CSMD2: variants seen among roughly 807,000 people sequenced by gnomAD.
CSMD2 encodes CUB and sushi domain-containing protein 2.
In CSMD2, 130 loss-of-function variants were observed where a neutral mutation model predicts 398.5. The observed-to-expected ratio is 0.33, with a 90% confidence interval of 0.28 to 0.38. CSMD2 has a LOEUF of 0.38. Among genes scored for constraint, CSMD2 ranks in the 10% least tolerant of loss-of-function variants. The pLI is 1.00. For synonymous variants in CSMD2, 1,828 were observed against 1,908.5 expected, an observed-to-expected ratio of 0.96 and a Z score of 1.10; for missense variants, 3,829 against 4,764.9, an observed-to-expected ratio of 0.80 and a Z score of 5.78.
intron 3 of CSMD2, among the ~76,000 whole-genome samples, chr1:33,981,408 G>A (rs1646162328): frequency 6.6e-6 from 1 of 152,052 alleles, no homozygotes; most frequent in African/African-American, 2.4e-5. Flanking sequence ...TCCCCCTTTG[G>A]GCATCAGGTA....
chr1:33,722,350 T>C (rs1646383972), intron 19 of CSMD2, among the ~76,000 whole-genome samples: 2 of 152,226 alleles, frequency 1.3e-5, no homozygotes, highest in South Asian at 4.1e-4. Flanking sequence ...TTTCGAGACT[T>C]TTGATTCACA....
Position 33,625,054 on chromosome 1 carries a change from C to T in CSMD2, c.5497G>A (p.Val1833Met), listed in dbSNP as rs1420737474. Residue 1833 changes from valine to methionine, a missense_variant, in exon 34 of 71, where the codon GTG becomes ATG. Val to Met is a conservative substitution (Grantham distance 21, BLOSUM62 1). This residue lies in a region of CSMD2 where 2,001 missense variants were observed against 2,567.1 expected (regional missense o/e 0.78). Coordinates refer to ENST00000373381, the MANE Select transcript of CSMD2 (RefSeq NM_001281956.2). ...AQWNVSAPTC[V>M]VPCGGNLTER... ...CGCCCGGGTCCTGGTTACTCACCCA[C>T]ACACGTGGGCGCTGAGACATTCCAT... 1.2e-6 allele frequency: 2 copies of T among 1,613,996 alleles called. No individual in the cohort carries two copies. Among genetic ancestry groups the T allele is most frequent in the East Asian group, 4.5e-5 (2 of 44,856 alleles).
At position 33,709,172 on chromosome 1, in the gene CSMD2, T is replaced by G. The variant is rs750297036; in HGVS notation, c.3493A>C (p.Ile1165Leu). ...CCTGGCTGGGTCTGGATGGAGTAGA[T>G]GCATTCATGATTGTTATTGTAGTTC... The part of the protein sequence containing the change: ...PVNYNNNHEC[I>L]YSIQTQPGKG... Residue 1165 changes from isoleucine (I) to leucine (L), a missense_variant, in exon 22 of 71, where the codon ATC becomes CTC. Around this residue, in one of 5 missense-constraint regions of CSMD2, gnomAD observed 2,001 missense variants for 2,567.1 expected, o/e 0.78. Transcript: ENST00000373381. The G allele has an allele frequency of 1.9e-6, 3 of 1,614,128 alleles. No homozygotes were observed. Among genetic ancestry groups the G allele is most frequent in the East Asian group, 2.2e-5 (1 of 44,884 alleles).
In CSMD2 at chr1:33,663,029, A is replaced by G; in HGVS notation, c.4116T>C (p.Pro1372=). Residue 1372 remains proline (P), a synonymous_variant, in exon 26 of 71, where the codon CCT becomes CCC. Transcript: ENST00000373381. Reference sequence around the variant, plus strand: ...CCTTCAGCAGAACCCCGCTCTCCACAGGCCCATCCCAGATGCGCAGCACGT... The same window carrying G: ...CCTTCAGCAGAACCCCGCTCTCCACGGGCCCATCCCAGATGCGCAGCACGT... The part of the protein sequence containing the change: ...VHDVLRIWDG[P]VESGVLLKEL... 1 of 1,614,160 alleles carries G rather than the reference A, an allele frequency of 6.2e-7. No individual in the cohort carries two copies. The highest frequency in any genetic ancestry group is 8.5e-7 in the Non-Finnish European group (1 of 1,180,006).
chr1:33,547,092 C>T (rs1014521120), intron 56 of CSMD2, among the ~76,000 whole-genome samples: 11 of 152,134 alleles, frequency 7.2e-5, no homozygotes, highest in Non-Finnish European at 1.6e-4. Context: ...TTATGCCATA[C>T]AAGTGAGCTC....
chr1:33,574,253 G>A (rs1431307488), intron 49 of CSMD2, among the ~76,000 whole-genome samples: 1 of 152,090 alleles, frequency 6.6e-6, no homozygotes, highest in Non-Finnish European at 1.5e-5. Context: ...CAAAGAAAAG[G>A]AATCTCAAAG....
At position 33,580,873 on chromosome 1, in the gene CSMD2, T is replaced by C. The variant is rs756248527; in HGVS notation, c.7267A>G (p.Lys2423Glu). 35 of 1,614,018 alleles carry C rather than the reference T, an allele frequency of 2.2e-5. No homozygotes were observed. Among genetic ancestry groups the C allele is most frequent in the Non-Finnish European group, 2.8e-5 (33 of 1,180,018 alleles). Residue 2423 changes from lysine to glutamate, a missense_variant, in exon 48 of 71, where the codon AAA becomes GAA. By Grantham distance (56) the Lys-to-Glu change is moderately conservative (BLOSUM62 1). Coordinates refer to ENST00000373381, the MANE Select transcript of CSMD2 (RefSeq NM_001281956.2). ...GCTGAGTAATTCCCACTGAGGGCTT[T>C]CAGCAGAGGACTCTGTCCTGATGGA... Reference protein sequence around the residue: ...DGPSGQSPLLKALSGNYSAPL... With the variant: ...DGPSGQSPLLEALSGNYSAPL...
At chr1:33,792,358 AAACCCCACCCCACC>A in intron 11 of CSMD2, 51 bp downstream of exon 11, 2 of 1,172,158 alleles carry the variant, frequency 1.7e-6, no homozygotes, top group Non-Finnish European at 2.6e-6. Flanking sequence ...AGGACTCCAC[AAACCCCACCCCACC>A]AACCCCAGCC....
At chr1:33,971,157 G>A (rs910775693) in intron 3 of CSMD2, among the ~76,000 whole-genome samples, 3 of 152,170 alleles carry the variant, frequency 2.0e-5, no homozygotes, top group African/African-American at 4.8e-5. Flanking sequence ...CTCCTTCAAC[G>A]CTTCTGGCAC....
At chr1:33,943,989 A>G (rs1377445414) in intron 3 of CSMD2, among the ~76,000 whole-genome samples, 3 of 152,032 alleles carry the variant, frequency 2.0e-5, no homozygotes, top group African/African-American at 7.2e-5. Context: ...AAGAATTGGC[A>G]AACATTTTCC....
At chr1:33,806,349 T>G (rs1656228836) in intron 10 of CSMD2, among the ~76,000 whole-genome samples, 1 of 152,178 alleles carries the variant, frequency 6.6e-6, no homozygotes, top group Non-Finnish European at 1.5e-5. Context: ...CTTGGGTGGT[T>G]TGAAACCTCC....
At chr1:33,952,682 A>G (rs964786313) in intron 3 of CSMD2, among the ~76,000 whole-genome samples, 1 of 145,832 alleles carries the variant, frequency 6.9e-6, no homozygotes, top group African/African-American at 2.8e-5. Context: ...GTTTACACAC[A>G]CACACACACA....
At chr1:33,523,551 C>A in intron 66 of CSMD2, 132 bp from the exon 67 acceptor site, 1 of 604,922 alleles carries the variant, frequency 1.7e-6, no homozygotes. Context: ...TTCTCCACAT[C>A]CCTTTAAGTC....
chr1:34,132,002 A>G (rs557618939), intron 1 of CSMD2, among the ~76,000 whole-genome samples: 11 of 152,256 alleles, frequency 7.2e-5, no homozygotes, highest in African/African-American at 2.4e-4. Context: ...ATGGGCCACA[A>G]ATTCCCCCAA....
At chr1:33,761,286 G>C (rs1318234467) in intron 13 of CSMD2, among the ~76,000 whole-genome samples, 1 of 152,132 alleles carries the variant, frequency 6.6e-6, no homozygotes, top group African/African-American at 2.4e-5. Flanking sequence ...CTACTCAAAA[G>C]TGCTTCTCTC....
chr1:34,153,339 G>C (rs1463689522), intron 1 of CSMD2, among the ~76,000 whole-genome samples: 1 of 152,186 alleles, frequency 6.6e-6, no homozygotes, highest in Non-Finnish European at 1.5e-5. Context: ...CTTTCACTTA[G>C]CATGATGTCC....
At chr1:33,874,318 T>C (rs1051155882) in intron 5 of CSMD2, among the ~76,000 whole-genome samples, 2 of 152,242 alleles carry the variant, frequency 1.3e-5, no homozygotes, top group Non-Finnish European at 2.9e-5. Flanking sequence ...AATGCAATTA[T>C]TTTACTTAAG....
intron 1 of CSMD2, among the ~76,000 whole-genome samples, chr1:34,160,755 G>A (rs1641255638): frequency 6.6e-6 from 1 of 152,134 alleles, no homozygotes; most frequent in Admixed American, 6.5e-5. Flanking sequence ...ATACAATTCA[G>A]TTTGTACTAC....
At chr1:33,568,097 C>A (rs1659227962) in intron 52 of CSMD2, among the ~76,000 whole-genome samples, 1 of 150,716 alleles carries the variant, frequency 6.6e-6, no homozygotes, top group African/African-American at 2.4e-5. Flanking sequence ...TCATCCCCCA[C>A]TTTTTCTTAC....
Sources: allele counts gnomAD v4.1 joint callset (sites outside exome capture counted in the v4.1 genomes callset), GRCh38; gene constraint gnomAD v4.1.1; regional missense constraint gnomAD v4.1.1; transcripts MANE v1.5; gene names NCBI Gene and HGNC (gene_info 2026-07-23, HGNC 2026-07-21).